The following GNB1L variants were observed in gnomAD, a reference collection of about 807,000 sequenced individuals.
GNB1L encodes G protein subunit beta 1 like.
GNB1L carries 20 observed loss-of-function variants against 29.1 expected under a neutral mutation model. The observed-to-expected ratio is 0.69, with a 90% CI of 0.48 to 1.00. The LOEUF is 1.00. Ranked by LOEUF, GNB1L falls within the 50% of genes least tolerant of loss-of-function variation. The pLI is 0.00. For synonymous variants in GNB1L, 193 were observed against 206.5 expected (o/e 0.93, Z 0.56); for missense variants, 421 against 464.9 (o/e 0.91, Z 0.87).
At chr22:19,802,909 C>T (rs564015188) in intron 6 of GNB1L, among the ~76,000 whole-genome samples, 10 of 152,352 alleles carry the variant, frequency 6.6e-5, no homozygotes, top group African/African-American at 2.4e-4. Context: ...AGGAGGAGAG[C>T]ACTGCAGGAT....
intron 2 of GNB1L, among the ~76,000 whole-genome samples, chr22:19,844,718 G>C (rs1937924758): frequency 6.6e-6 from 1 of 152,244 alleles, no homozygotes; most frequent in Admixed American, 6.5e-5. Flanking sequence ...CAAGATGGCA[G>C]GAAGGAAGCC....
intron 7 of GNB1L, among the ~76,000 whole-genome samples, chr22:19,789,944 G>A (rs1385499859): frequency 6.6e-6 from 1 of 152,142 alleles, no homozygotes; most frequent in South Asian, 2.1e-4. Flanking sequence ...GTGCTGTTTA[G>A]GCCGTCCTCA....
At chr22:19,846,630 C>T in intron 2 of GNB1L, 4 of 884,088 alleles carry the variant, frequency 4.5e-6, no homozygotes, top group Non-Finnish European at 5.4e-6. Context: ...ACCCCTAGTA[C>T]TTACATTTGA....
rs1473571070 is a variant in GNB1L at position 19,851,212 on chromosome 22, C to G, written c.-21+3231G>C. 3.1e-6 allele frequency: 5 copies of G among 1,595,712 alleles called. No individual in the cohort carries two copies. The Admixed American group carries it at 7.1e-5, about 23-fold the overall frequency. On this transcript the variant is annotated intron_variant, in intron 2 of 7. Coordinates refer to ENST00000329517, the MANE Select transcript of GNB1L (RefSeq NM_053004.3). ...GTGGCTCTCCTGGGGTCTCCGGGGC[C>G]TCCACCACCTCCTGTGGGGTACCTA...
intron 2 of GNB1L, chr22:19,851,833 G>C: frequency 1.9e-6 from 3 of 1,614,014 alleles, no homozygotes; most frequent in Non-Finnish European, 2.5e-6. Context: ...TTAGGCGCCT[G>C]AGGATCTCGC....
At chr22:19,803,914 T>G (rs2145869248) in intron 6 of GNB1L, among the ~76,000 whole-genome samples, 1 of 152,378 alleles carries the variant, frequency 6.6e-6, no homozygotes, top group East Asian at 1.9e-4. Context: ...TGCCTGGGGC[T>G]GCTCCCATCA....
At chr22:19,818,476 A>G (rs2145879938) in intron 4 of GNB1L, among the ~76,000 whole-genome samples, 1 of 152,272 alleles carries the variant, frequency 6.6e-6, no homozygotes, top group African/African-American at 2.4e-5. Context: ...TGCAGGCATG[A>G]CCACACGGGG....
intron 2 of GNB1L, chr22:19,852,321 C>T: frequency 6.5e-7 from 1 of 1,540,142 alleles, no homozygotes; most frequent in Admixed American, 1.8e-5. Context: ...GGGGTGTGGA[C>T]AGATGTGGCT....
At chr22:19,792,176 GC>G (rs1427998273) in intron 7 of GNB1L, 2 of 584,188 alleles carry the variant, frequency 3.4e-6, no homozygotes, top group Middle Eastern at 4.5e-4. Context: ...AGGGGAAAAA[GC>G]AGTTAATAGA....
In GNB1L at chr22:19,788,651, G is replaced by T. The variant is rs779017197; in HGVS notation, c.*58C>A. 1.9e-6 allele frequency: 3 copies of T among 1,609,370 alleles called. No individual in the cohort carries two copies. The highest frequency in any genetic ancestry group is 2.5e-6 in the Non-Finnish European group (3 of 1,176,764). On this transcript the variant is annotated 3_prime_UTR_variant, in exon 8 of 8. Coordinates refer to ENST00000329517, the MANE Select transcript of GNB1L (RefSeq NM_053004.3). Reference sequence around the variant, plus strand: ...CCTTGAGGTTTCAGGCCAAGGCTGGGGCCTGATGCCCACCTCCCTGCCCGC... The same window carrying T: ...CCTTGAGGTTTCAGGCCAAGGCTGGTGCCTGATGCCCACCTCCCTGCCCGC...
At chr22:19,789,205 C>T (rs952446895) in intron 7 of GNB1L, among the ~76,000 whole-genome samples, 6 of 152,204 alleles carry the variant, frequency 3.9e-5, no homozygotes, top group Admixed American at 3.9e-4. Context: ...TGACCGACTC[C>T]TTCCCCAGTC....
chr22:19,815,296 G>A (rs888658462), intron 4 of GNB1L, among the ~76,000 whole-genome samples: 1 of 152,198 alleles, frequency 6.6e-6, no homozygotes, highest in Admixed American at 6.5e-5. Context: ...GGCCGATCTG[G>A]GCAACTCGGT....
intron 4 of GNB1L, among the ~76,000 whole-genome samples, chr22:19,815,395 GC>G (rs1937520395): frequency 6.6e-6 from 1 of 152,170 alleles, no homozygotes; most frequent in African/African-American, 2.4e-5. Context: ...GACGTGCACA[GC>G]CCCCGTGGCT....
rs1476041286 is a variant in GNB1L at position 19,802,166 on chromosome 22, C to T, written c.567G>A (p.Ser189=). Residue 189 remains serine (S), a synonymous_variant, in exon 7 of 8, where the codon TCG becomes TCA. Coordinates refer to ENST00000329517, the MANE Select transcript of GNB1L (RefSeq NM_053004.3). ...PLLLAGYEDG[S]VVLWDVSEQK... ...GCTCAGAGACGTCCCACAGGACCAC[C>T]GATCCATCCTCATAGCCGGCCAGAA... 8 of 1,613,090 alleles carry T rather than the reference C, an allele frequency of 5.0e-6. No homozygotes were observed. Among genetic ancestry groups the T allele is most frequent in the African/African-American group, 1.3e-5 (1 of 74,936 alleles).
At chr22:19,789,694 T>C (rs1219585768) in intron 7 of GNB1L, among the ~76,000 whole-genome samples, 5 of 151,808 alleles carry the variant, frequency 3.3e-5, no homozygotes, top group Non-Finnish European at 5.9e-5. Context: ...GGGCCGAGCG[T>C]TGGGGCCAGG....
At position 19,798,987 on chromosome 22, in the gene GNB1L, G is replaced by C. The variant is rs73379928; in HGVS notation, c.732+3014C>G. Among the ~76,000 whole-genome samples the C allele has an allele frequency of 5.5e-3, 840 of 152,314 alleles. 7 individuals are homozygous for C. The highest frequency in any genetic ancestry group is 0.02 in the African/African-American group (821 of 41,572). On this transcript the variant is annotated intron_variant, in intron 7 of 7. Transcript: ENST00000329517. ...ATGCGATGCACGGGGAGCTGACCCG[G>C]GGCCCTTTGGCCTCCCTCCTGGCTG...
intron 2 of GNB1L, among the ~76,000 whole-genome samples, chr22:19,825,020 G>A (rs902865636): frequency 6.6e-6 from 1 of 152,210 alleles, no homozygotes; most frequent in Non-Finnish European, 1.5e-5. Flanking sequence ...GTGAGCCAAC[G>A]TGGGGAGCCA....
intron 2 of GNB1L, among the ~76,000 whole-genome samples, chr22:19,821,986 T>C (rs887093392): frequency 6.6e-6 from 1 of 152,116 alleles, no homozygotes; most frequent in East Asian, 1.9e-4. Flanking sequence ...TCTTCTCTCC[T>C]CCCTGCTGCC....
chr22:19,854,289 C>T (rs1236067689), intron 2 of GNB1L, among the ~76,000 whole-genome samples, 154 bp downstream of exon 2: 1 of 152,218 alleles, frequency 6.6e-6, no homozygotes, highest in East Asian at 1.9e-4. Flanking sequence ...TGGAGCCGTT[C>T]TCTGCTCTGG....
Sources: allele counts gnomAD v4.1 joint callset (sites outside exome capture counted in the v4.1 genomes callset), GRCh38; gene constraint gnomAD v4.1.1; transcripts MANE v1.5; gene names NCBI Gene and HGNC (gene_info 2026-07-23, HGNC 2026-07-21).